The following PDE8B variants were observed in gnomAD, a reference collection of about 807,000 sequenced individuals.
PDE8B encodes phosphodiesterase 8B.
PDE8B carries 26 observed loss-of-function variants against 101.3 expected under a neutral mutation model. The observed-to-expected ratio is 0.26, with a 90% CI of 0.19 to 0.36. The LOEUF (loss-of-function observed/expected upper bound fraction) is 0.36. Ranked by LOEUF, PDE8B falls within the 10% of genes least tolerant of loss-of-function variation. The pLI, the probability that PDE8B is intolerant of heterozygous loss-of-function variation, is 1.00. For missense variants in PDE8B, 810 were observed against 1,163.1 expected, an observed-to-expected ratio of 0.70 and a Z score of 4.42; for synonymous variants, 424 against 429.3, an observed-to-expected ratio of 0.99 and a Z score of 0.15.
chr5:77,366,867 A>G (rs2150620909), intron 10 of PDE8B, among the ~76,000 whole-genome samples: 1 of 152,210 alleles, frequency 6.6e-6, no homozygotes, highest in South Asian at 2.1e-4. Context: ...TTGCTCCTGG[A>G]TGGCAGCCCC....
the PDE8B span, among the ~76,000 whole-genome samples, chr5:77,201,368 A>G: frequency 1.1e-4 from 16 of 152,236 alleles, no homozygotes; most frequent in Non-Finnish European, 2.1e-4. Flanking sequence ...TTCAGCAAAT[A>G]TTGAACATGT....
intron 1 of PDE8B, among the ~76,000 whole-genome samples, chr5:77,279,324 A>G (rs1287674380): frequency 6.6e-6 from 1 of 152,170 alleles, no homozygotes; most frequent in African/African-American, 2.4e-5. Flanking sequence ...CTTTTATTTT[A>G]TGCTGTATCT....
chr5:77,326,326 A>G (rs1776056482), intron 3 of PDE8B, among the ~76,000 whole-genome samples: 1 of 152,238 alleles, frequency 6.6e-6, no homozygotes, highest in Non-Finnish European at 1.5e-5. Context: ...GCTCTGGATG[A>G]ACTGATTCAT....
At chr5:77,307,895 T>C (rs1771627842) in intron 1 of PDE8B, among the ~76,000 whole-genome samples, 1 of 152,186 alleles carries the variant, frequency 6.6e-6, no homozygotes, top group African/African-American at 2.4e-5. Context: ...CCTGGCAAAC[T>C]TGGCCACTTC....
intron 10 of PDE8B, among the ~76,000 whole-genome samples, chr5:77,395,894 T>C (rs1790943934): frequency 6.6e-6 from 1 of 152,186 alleles, no homozygotes; most frequent in Non-Finnish European, 1.5e-5. Context: ...CCACGTAGCA[T>C]TGGGGCCGAC....
At chr5:77,366,944 G>A (rs150464976) in intron 10 of PDE8B, among the ~76,000 whole-genome samples, 18 of 152,244 alleles carry the variant, frequency 1.2e-4, no homozygotes, top group Admixed American at 5.2e-4. Flanking sequence ...AATGTGCAAG[G>A]TCAGGCCCAA....
the PDE8B span, among the ~76,000 whole-genome samples, chr5:77,130,361 A>G: frequency 2.6e-5 from 4 of 152,160 alleles, no homozygotes; most frequent in South Asian, 2.1e-4. Flanking sequence ...ACTGACTCAT[A>G]AAGACGTTAG....
intron 1 of PDE8B, among the ~76,000 whole-genome samples, chr5:77,271,416 G>T (rs1200203607): frequency 6.6e-6 from 1 of 152,206 alleles, no homozygotes. Flanking sequence ...GTGGAATCTA[G>T]ATGACAAATG....
chr5:77,197,073 T>C, the PDE8B span, among the ~76,000 whole-genome samples: 1 of 151,754 alleles, frequency 6.6e-6, no homozygotes, highest in East Asian at 1.9e-4. Flanking sequence ...GCAGTCTTGC[T>C]AGAGGTTTAT....
intron 1 of PDE8B, among the ~76,000 whole-genome samples, chr5:77,252,851 A>G (rs998935348): frequency 1.3e-5 from 2 of 152,188 alleles, no homozygotes; most frequent in Non-Finnish European, 2.9e-5. Context: ...TTCTGTTACC[A>G]TCTTAAAAGC....
chr5:77,360,918 C>T (rs71632918), intron 10 of PDE8B, among the ~76,000 whole-genome samples: 1,564 of 152,272 alleles, frequency 0.01, 15 homozygotes, highest in Non-Finnish European at 0.016. Context: ...GTGCTGGAGC[C>T]AGTTCATACT....
rs759175920 is a variant in PDE8B at position 77,325,632 on chromosome 5, C to G, written c.493C>G (p.Pro165Ala). The G allele has an allele frequency of 1.9e-6, 3 of 1,613,386 alleles. No homozygotes were observed. Among genetic ancestry groups the G allele is most frequent in the East Asian group, 2.2e-5 (1 of 44,872 alleles). Residue 165 changes from proline to alanine, a missense_variant, in exon 3 of 22, where the codon CCA becomes GCA. By Grantham distance (27) the Pro-to-Ala change is conservative. This residue lies in a region of PDE8B where 251 missense variants were observed against 378.8 expected (regional missense o/e 0.66). Transcript: ENST00000264917. The stretch of plus-strand genomic sequence containing the variant: ...TTATAGATGCAATATTGCTCGGACT[C>G]CAGAGTCAGCCCTTGAATGCTTTCT... ...AGYRCNIART[P>A]ESALECFLDK...
chr5:77,315,118 C>T (rs1773524566), intron 2 of PDE8B, among the ~76,000 whole-genome samples: 1 of 152,078 alleles, frequency 6.6e-6, no homozygotes, highest in Non-Finnish European at 1.5e-5. Context: ...CAATCCGTGG[C>T]TCTTTTATTC....
At chr5:77,396,422 G>A (rs1437863564) in intron 10 of PDE8B, among the ~76,000 whole-genome samples, 1 of 152,176 alleles carries the variant, frequency 6.6e-6, no homozygotes, top group African/African-American at 2.4e-5. Flanking sequence ...CCAAGGTACT[G>A]AATATTTCAC....
At chr5:77,331,592 A>G in intron 5 of PDE8B, 133 bp downstream of exon 5, 1 of 785,538 alleles carries the variant, frequency 1.3e-6, no homozygotes, top group Admixed American at 1.9e-5. Context: ...GGAAAGGAAG[A>G]AACTGTGTTC....
Position 77,407,678 on chromosome 5 carries a change from A to G in PDE8B, c.1365+221A>G, listed in dbSNP as rs551824326. On this transcript the variant is annotated intron_variant, in intron 13 of 21. Coordinates refer to ENST00000264917, the MANE Select transcript of PDE8B (RefSeq NM_003719.5). Reference sequence around the variant, plus strand: ...AGAGAAAATTAGAGTAGGGCCCTTAAGTAGGTTGGAAGAGAGGGTGGTCAG... The same window carrying G: ...AGAGAAAATTAGAGTAGGGCCCTTAGGTAGGTTGGAAGAGAGGGTGGTCAG... Among the ~76,000 whole-genome samples the G allele has an allele frequency of 4.6e-5, 7 of 152,322 alleles. No individual in the cohort carries two copies. The South Asian group carries it at 1.2e-3, about 27-fold the overall frequency.
chr5:77,297,276 C>T (rs747232875), intron 1 of PDE8B, among the ~76,000 whole-genome samples: 8 of 152,184 alleles, frequency 5.3e-5, no homozygotes, highest in Admixed American at 2.0e-4. Flanking sequence ...GTCAAAATGG[C>T]GACTAAATTT....
At chr5:77,345,949 A>T (rs898154810) in intron 7 of PDE8B, among the ~76,000 whole-genome samples, 1 of 152,068 alleles carries the variant, frequency 6.6e-6, no homozygotes, top group African/African-American at 2.4e-5. Flanking sequence ...TCAATAGCCC[A>T]CCCTGCCTAG....
chr5:77,255,324 A>G (rs1462598371), intron 1 of PDE8B, among the ~76,000 whole-genome samples: 3 of 152,116 alleles, frequency 2.0e-5, no homozygotes, highest in Non-Finnish European at 2.9e-5. Flanking sequence ...TGTCCTGGCT[A>G]TGCTACAGGC....
Sources: gnomAD v4.1 joint callset for allele counts (sites outside exome capture counted in the v4.1 genomes callset) on GRCh38, gnomAD v4.1.1 for gene constraint, gnomAD v4.1.1 regional missense constraint, MANE v1.5 for transcripts, NCBI Gene and HGNC (gene_info 2026-07-23, HGNC 2026-07-21) for gene names.